SYN3: variants seen among roughly 807,000 people sequenced by gnomAD.
The protein encoded by SYN3 is synapsin III.
Under a neutral mutation model 65.8 loss-of-function variants are expected in SYN3, and 35 were observed. The ratio of observed to expected loss-of-function variants is 0.53; its 90% CI spans 0.41 to 0.70. The LOEUF (loss-of-function observed/expected upper bound fraction) is 0.70, where lower values mean the gene tolerates loss of function less well. Ranked by LOEUF, SYN3 falls within the 30% of genes least tolerant of loss-of-function variation. SYN3 has a pLI of 0.00. For missense variants in SYN3, 680 were observed against 749.0 expected (o/e 0.91, Z 1.08); for synonymous variants, 270 against 292.9 (o/e 0.92, Z 0.80).
At chr22:33,038,914 G>A (rs1245792512) in intron 1 of SYN3, among the ~76,000 whole-genome samples, 1 of 152,218 alleles carries the variant, frequency 6.6e-6, no homozygotes, top group Admixed American at 6.5e-5. Context: ...TGGGGCTTCT[G>A]CATCTCTGCT....
intron 7 of SYN3, among the ~76,000 whole-genome samples, chr22:32,577,846 C>G (rs1174809482): frequency 6.6e-6 from 1 of 152,238 alleles, no homozygotes; most frequent in Non-Finnish European, 1.5e-5. Flanking sequence ...CTCTCTCCTT[C>G]CTTTACATGG....
intron 6 of SYN3, among the ~76,000 whole-genome samples, chr22:32,640,834 T>C (rs1251608361): frequency 6.6e-6 from 1 of 151,852 alleles, no homozygotes; most frequent in Non-Finnish European, 1.5e-5. Flanking sequence ...GTCACTGCAC[T>C]CCAGCCTGGG....
chr22:32,706,811 G>A (rs1455820188), intron 6 of SYN3, among the ~76,000 whole-genome samples: 1 of 152,176 alleles, frequency 6.6e-6, no homozygotes, highest in Non-Finnish European at 1.5e-5. Context: ...GTAGAGTCCT[G>A]AATGTTGTCC....
At chr22:32,833,980 C>A in intron 6 of SYN3, 1 of 461,456 alleles carries the variant, frequency 2.2e-6, no homozygotes. Flanking sequence ...CATGACCATC[C>A]TCCTGCTTTC....
At chr22:32,869,689 G>GTTTTTTTTTTTTTTT (rs1288480674) in intron 4 of SYN3, among the ~76,000 whole-genome samples, 1 of 118,448 alleles carries the variant, frequency 8.4e-6, no homozygotes. Context: ...AACACATCTT[G>GTTTTTTTTTTTTTTT]GTTTTTTTTT....
chr22:32,890,967 T>C (rs1274524084), intron 4 of SYN3, among the ~76,000 whole-genome samples: 1 of 152,104 alleles, frequency 6.6e-6, no homozygotes, highest in African/African-American at 2.4e-5. Context: ...CAATACCAGA[T>C]TCAGCCAACT....
chr22:32,790,869 T>C (rs2046311033), intron 6 of SYN3, among the ~76,000 whole-genome samples: 1 of 152,216 alleles, frequency 6.6e-6, no homozygotes, highest in Middle Eastern at 3.4e-3. Flanking sequence ...CGCAGACAAG[T>C]AATAGTAGCT....
intron 1 of SYN3, among the ~76,000 whole-genome samples, chr22:33,022,619 G>A (rs544566184): frequency 5.4e-4 from 82 of 152,258 alleles, no homozygotes; most frequent in African/African-American, 1.9e-3. Flanking sequence ...GAAGAATTTG[G>A]GCTTTGGAAA....
chr22:32,535,785 G>GT lies in SYN3; in HGVS notation c.993-1891_993-1890insA, dbSNP rs566555253. 2.6e-4 allele frequency among the ~76,000 whole-genome samples: 39 copies of GT among 152,194 alleles called. No individual in the cohort carries two copies. The South Asian group carries it at 6.2e-3, about 24-fold the overall frequency. Reference sequence around the variant, plus strand: ...GCGTGAGAGTGCTTGGAGAATCGGGGGGGGGGCCCTGCTCCCCTCCTGCCA... The same window carrying GT: ...GCGTGAGAGTGCTTGGAGAATCGGGGTGGGGGGCCCTGCTCCCCTCCTGCCA... On this transcript the variant is annotated intron_variant, in intron 9 of 13. Coordinates refer to ENST00000358763, the MANE Select transcript of SYN3 (RefSeq NM_003490.4).
intron 6 of SYN3, 137 bp downstream of exon 6, chr22:32,864,778 C>T: frequency 1.3e-6 from 1 of 773,280 alleles, no homozygotes; most frequent in Non-Finnish European, 2.2e-6. Context: ...CCACAGGACA[C>T]TGTGACTCCG....
At position 32,825,551 on chromosome 22, in the gene SYN3, C is replaced by T. The variant is rs565807977; in HGVS notation, c.711+39364G>A. On this transcript the variant is annotated intron_variant, in intron 6 of 13. Transcript: ENST00000358763. ...GCGGGCGCCTGTAATCCCAGCTACTCGGGAAGCTGAGGCAGAGAATCACTT... is the reference window on the plus strand; with the variant it reads ...GCGGGCGCCTGTAATCCCAGCTACTTGGGAAGCTGAGGCAGAGAATCACTT... Among the ~76,000 whole-genome samples, 19 of 150,552 alleles carry T rather than the reference C, an allele frequency of 1.3e-4. No homozygotes were observed. In the South Asian group the frequency reaches 2.1e-3, roughly 17 times the overall value.
chr22:32,553,370 G>C (rs965985219), intron 7 of SYN3, among the ~76,000 whole-genome samples: 2 of 151,738 alleles, frequency 1.3e-5, no homozygotes, highest in African/African-American at 4.8e-5. Context: ...ATTATATACA[G>C]ACATGGCAAA....
intron 6 of SYN3, among the ~76,000 whole-genome samples, chr22:32,771,736 T>C (rs1279908387): frequency 6.6e-6 from 1 of 152,188 alleles, no homozygotes; most frequent in Non-Finnish European, 1.5e-5. Context: ...GGGACTATAT[T>C]AAACAATGCA....
At chr22:32,609,151 C>T (rs1005706939) in intron 6 of SYN3, among the ~76,000 whole-genome samples, 1 of 151,856 alleles carries the variant, frequency 6.6e-6, no homozygotes, top group African/African-American at 2.4e-5. Flanking sequence ...GGTGAAACCC[C>T]GTCTCTACTA....
At chr22:32,779,858 A>T (rs571448794) in intron 6 of SYN3, among the ~76,000 whole-genome samples, 1 of 152,242 alleles carries the variant, frequency 6.6e-6, no homozygotes, top group South Asian at 2.1e-4. Flanking sequence ...TCGAACCTCC[A>T]TTCTGCCCTG....
intron 6 of SYN3, among the ~76,000 whole-genome samples, chr22:32,737,120 G>C (rs1357022846): frequency 6.6e-6 from 1 of 152,108 alleles, no homozygotes; most frequent in Non-Finnish European, 1.5e-5. Flanking sequence ...TTGGAGCTGA[G>C]CTCCCAATCC....
intron 13 of SYN3, among the ~76,000 whole-genome samples, chr22:32,515,948 G>A (rs1312496473): frequency 3.3e-5 from 5 of 151,974 alleles, no homozygotes; most frequent in African/African-American, 1.2e-4. Flanking sequence ...ACAGGCGCAC[G>A]CTGCCGCGCC....
intron 4 of SYN3, among the ~76,000 whole-genome samples, chr22:32,898,632 G>C (rs753037783): frequency 1.3e-5 from 2 of 152,212 alleles, no homozygotes; most frequent in Non-Finnish European, 2.9e-5. Flanking sequence ...AAGATAGCCA[G>C]TCTGATAGAA....
At chr22:32,540,469 C>T (rs191351867) in intron 8 of SYN3, among the ~76,000 whole-genome samples, 140 of 152,332 alleles carry the variant, frequency 9.2e-4, no homozygotes, top group Non-Finnish European at 2.9e-4. Context: ...GCTTGGCAAC[C>T]AGGCAACGAT....
Sources: allele counts gnomAD v4.1 joint callset (sites outside exome capture counted in the v4.1 genomes callset), GRCh38; gene constraint gnomAD v4.1.1; transcripts MANE v1.5; gene names NCBI Gene and HGNC (gene_info 2026-07-23, HGNC 2026-07-21).